The following PRRC2A variants were observed in gnomAD, a reference collection of about 807,000 sequenced individuals.
PRRC2A encodes the protein proline rich coiled-coil 2A, also known as protein PRRC2A.
PRRC2A carries 59 observed loss-of-function variants against 224.6 expected under a neutral mutation model. The observed-to-expected ratio is 0.26, with a 90% confidence interval of 0.21 to 0.33. The LOEUF is 0.33. Ranked by LOEUF, PRRC2A falls within the 10% of genes least tolerant of loss-of-function variation. The pLI is 1.00. For missense variants in PRRC2A, 3,095 were observed against 2,880.7 expected (o/e 1.07, Z -1.70); for synonymous variants, 1,194 against 1,109.5 (o/e 1.08, Z -1.51).
rs754491902 is a variant in PRRC2A, at chr6:31,632,182, G to A, written c.3509G>A (p.Arg1170Gln). ...ACTCCCAGAGGGGTGCCATCTCGCC[G>A]GGGCCGAGGAGGAGGGAGGCCCCCT... is the stretch of plus-strand genomic sequence containing the variant. ...VFTPRGVPSR[R>Q]GRGGGRPPPQ... Residue 1170 changes from arginine (R) to glutamine (Q), a missense_variant, in exon 16 of 31, where the codon CGG (arginine) becomes CAG (glutamine). Arg to Gln is a conservative substitution (Grantham distance 43, BLOSUM62 1). Around this residue, in one of 8 missense-constraint regions of PRRC2A, gnomAD observed 2,001 missense variants for 1,764.9 expected, o/e 1.13. Coordinates refer to ENST00000376033, the MANE Select transcript of PRRC2A (RefSeq NM_004638.4). The A allele has an allele frequency of 1.8e-5, 29 of 1,598,188 alleles. No individual in the cohort carries two copies. Among genetic ancestry groups the A allele is most frequent in the East Asian group, 1.3e-4 (6 of 44,728 alleles).
intron 12 of PRRC2A, chr6:31,628,840 C>CA (rs921221044): frequency 7.1e-4 from 254 of 359,346 alleles, no homozygotes; most frequent in South Asian, 1.0e-3. Context: ...GACTCTGTCT[C>CA]AAAAAAAAAT....
Position 31,637,231 on chromosome 6 carries a change from T to C in PRRC2A, c.6243-3T>C, listed in dbSNP as rs1777509757. On this transcript the variant is annotated splice_region_variant and splice_polypyrimidine_tract_variant and intron_variant, in intron 29 of 30. Transcript: ENST00000376033. ...CTTGCCTTAGACGCCCTTCTTCCCT[T>C]AGGTCCTTCTCTGGCCTCAATTCCC... The C allele has an allele frequency of 1.2e-6, 2 of 1,610,122 alleles. No homozygotes were observed. Among genetic ancestry groups the C allele is most frequent in the South Asian group, 1.1e-5 (1 of 91,030 alleles).
chr6:31,632,595 G>C lies in PRRC2A; in HGVS notation c.3922G>C (p.Asp1308His). The change falls in exon 16 of 31, where the codon GAT becomes CAT. Residue 1308 changes from aspartate (D) to histidine (H), a missense_variant. Asp to His is a moderately conservative substitution (Grantham distance 81, BLOSUM62 -1). Coordinates refer to ENST00000376033, the MANE Select transcript of PRRC2A (RefSeq NM_004638.4). ...APRRAAAKSP[D>H]LSNQNSDQAN... The stretch of plus-strand genomic sequence containing the variant: ...TCGCCGGGCAGCTGCCAAGTCTCCT[G>C]ATCTGTCAAACCAGAACTCAGACCA... The C allele has an allele frequency of 6.2e-7, 1 of 1,613,070 alleles. No individual in the cohort carries two copies.
At position 31,629,140 on chromosome 6, in the gene PRRC2A, G is replaced by T; in HGVS notation, c.1766-4G>T. 2 of 1,613,572 alleles carry T rather than the reference G, an allele frequency of 1.2e-6. No homozygotes were observed. Among genetic ancestry groups the T allele is most frequent in the Non-Finnish European group, 1.7e-6 (2 of 1,179,858 alleles). ...ATCACTCTGTTGTGTTTTTTCCGATGCAGTGGAACCACAACTGCCCTCAAA... is the reference window on the plus strand; with the variant it reads ...ATCACTCTGTTGTGTTTTTTCCGATTCAGTGGAACCACAACTGCCCTCAAA... On this transcript the variant is annotated splice_polypyrimidine_tract_variant and splice_region_variant and intron_variant, in intron 12 of 30. Coordinates refer to ENST00000376033, the MANE Select transcript of PRRC2A (RefSeq NM_004638.4).
Position 31,630,752 on chromosome 6 carries a change from C to T in PRRC2A, c.2416C>T (p.Leu806Phe), listed in dbSNP as rs1160895333. 6.2e-7 allele frequency: 1 copy of T among 1,614,230 alleles called. No homozygotes were observed. Among genetic ancestry groups the T allele is most frequent in the Non-Finnish European group, 8.5e-7 (1 of 1,180,046 alleles). ...FTATPAEPRPLTSPLRQAADE... is the reference protein window; with the variant it reads ...FTATPAEPRPFTSPLRQAADE... ...CGCCACACCCGCTGAACCCCGCCCA[C>T]TTACCTCACCTCTGCGCCAGGCTGC... The change falls in exon 15 of 31, where the codon CTT (leucine) becomes TTT (phenylalanine). Residue 806 changes from leucine (L) to phenylalanine (F), a missense_variant. Coordinates refer to ENST00000376033, the MANE Select transcript of PRRC2A (RefSeq NM_004638.4).
Position 31,632,306 on chromosome 6 carries a change from G to C in PRRC2A, c.3633G>C (p.Glu1211Asp), listed in dbSNP as rs1583216882. The C allele has an allele frequency of 6.2e-7, 1 of 1,613,342 alleles. No homozygotes were observed. The highest frequency in any genetic ancestry group is 2.2e-5 in the East Asian group (1 of 44,868). ...PLPPSKEPLK[E>D]KLIPGPLSPV... ...CACCAAGTAAGGAGCCTTTGAAAGA[G>C]AAGTTGATCCCAGGGCCTCTGTCCC... The change falls in exon 16 of 31, where the codon GAG becomes GAC. Residue 1211 changes from glutamate to aspartate, a missense_variant. This residue lies in a region of PRRC2A where 2,001 missense variants were observed against 1,764.9 expected (regional missense o/e 1.13). Coordinates refer to ENST00000376033, the MANE Select transcript of PRRC2A (RefSeq NM_004638.4).
At chr6:31,634,149 C>G in intron 18 of PRRC2A, 87 bp from the exon 19 acceptor site, 1 of 1,565,594 alleles carries the variant, frequency 6.4e-7, no homozygotes, top group Non-Finnish European at 8.6e-7. Flanking sequence ...GTCCCCACAC[C>G]CTGTGTCACC....
rs1776076124 is a variant in PRRC2A, at chr6:31,627,762, C to T, written c.1291-3C>T. 1 of 1,610,486 alleles carries T rather than the reference C, an allele frequency of 6.2e-7. No individual in the cohort carries two copies. Among genetic ancestry groups the T allele is most frequent in the Non-Finnish European group, 8.5e-7 (1 of 1,178,170 alleles). On this transcript the variant is annotated splice_polypyrimidine_tract_variant and splice_region_variant and intron_variant, in intron 11 of 30. Coordinates refer to ENST00000376033, the MANE Select transcript of PRRC2A (RefSeq NM_004638.4). The surrounding 1 kb of genome is among the most constrained non-coding windows in gnomAD (Gnocchi z 5.6). ...GGCCCTGCTGGGTCTTGCCAATTGA[C>T]AGGATCGTGGGGGTCCTCCCTGCAA...
intron 20 of PRRC2A, 96 bp downstream of exon 20, chr6:31,634,653 C>T (rs1252516824): frequency 1.3e-6 from 2 of 1,571,514 alleles, no homozygotes; most frequent in Admixed American, 1.7e-5. Context: ...GCTGTTCTCT[C>T]ACTTGGCTGT....
Position 31,637,269 on chromosome 6 carries a change from C to A in PRRC2A, c.6278C>A (p.Thr2093Lys). 6.2e-7 allele frequency: 1 copy of A among 1,612,494 alleles called. No homozygotes were observed. The highest frequency in any genetic ancestry group is 8.5e-7 in the Non-Finnish European group (1 of 1,179,490). Reference protein sequence around the residue: ...FSGLNSRLKATPSTYSGVFRT... With the variant: ...FSGLNSRLKAKPSTYSGVFRT... Reference sequence around the variant, plus strand: ...GGCCTCAATTCCCGTCTCAAGGCCACGCCTTCCACCTACAGTGGAGTCTTC... The same window carrying A: ...GGCCTCAATTCCCGTCTCAAGGCCAAGCCTTCCACCTACAGTGGAGTCTTC... The change falls in exon 30 of 31, where the codon ACG (threonine) becomes AAG (lysine). Residue 2093 changes from threonine (T) to lysine (K), a missense_variant. Physicochemically the swap from Thr to Lys is moderately conservative, Grantham distance 78 (BLOSUM62 -1). Coordinates refer to ENST00000376033, the MANE Select transcript of PRRC2A (RefSeq NM_004638.4).
chr6:31,625,939 C>T lies in PRRC2A; in HGVS notation c.839+68C>T, dbSNP rs1233922410. 2.5e-6 allele frequency: 4 copies of T among 1,589,020 alleles called. No homozygotes were observed. In the African/African-American group the frequency reaches 4.0e-5, roughly 16 times the overall value. On this transcript the variant is annotated intron_variant, in intron 8 of 30. Coordinates refer to ENST00000376033, the MANE Select transcript of PRRC2A (RefSeq NM_004638.4). This position sits in a 1 kb window ranked among gnomAD's most constrained non-coding sequence, Gnocchi z 4.1. ...GCTTATTGGGGGAGGAGATGGTTTTCTAGCCAGGAGGCTCAGTCTAGGATC... is the reference window on the plus strand; with the variant it reads ...GCTTATTGGGGGAGGAGATGGTTTTTTAGCCAGGAGGCTCAGTCTAGGATC...
rs766343646 is a variant in PRRC2A at position 31,625,078 on chromosome 6, G to A, written c.464-93G>A. 48 of 1,438,950 alleles carry A rather than the reference G, an allele frequency of 3.3e-5. No homozygotes were observed. The highest frequency in any genetic ancestry group is 4.4e-5 in the Non-Finnish European group (46 of 1,049,070). The allele number at this position is 1,438,950 out of a possible 1,614,324, so 89.1% of individuals were successfully genotyped here. Reference sequence around the variant, plus strand: ...CTCCCAGAGTGCTGGGATTACAGGCGTGAGCCACCGCGCCCAGCCAGAGTC... The same window carrying A: ...CTCCCAGAGTGCTGGGATTACAGGCATGAGCCACCGCGCCCAGCCAGAGTC... On this transcript the variant is annotated intron_variant, in intron 5 of 30. Transcript: ENST00000376033. The surrounding 1 kb of genome is among the most constrained non-coding windows in gnomAD (Gnocchi z 4.1).
At position 31,633,616 on chromosome 6, in the gene PRRC2A, G is replaced by T. The variant is rs1776947769; in HGVS notation, c.4557G>T (p.Glu1519Asp). ...CTCCTAGGCCCCCAACCCGATACGA[G>T]CCCCAGAGGGTCAACAGCGGCCTCA... The part of the protein sequence containing the change: ...GPSPRPPTRY[E>D]PQRVNSGLSS... Residue 1519 changes from glutamate (E) to aspartate (D), a missense_variant, in exon 17 of 31, where the codon GAG becomes GAT. Coordinates refer to ENST00000376033, the MANE Select transcript of PRRC2A (RefSeq NM_004638.4). 8.1e-6 allele frequency: 13 copies of T among 1,612,300 alleles called. No individual in the cohort carries two copies. Among genetic ancestry groups the T allele is most frequent in the Non-Finnish European group, 1.0e-5 (12 of 1,179,572 alleles).
In PRRC2A at chr6:31,631,578, C is replaced by G. The variant is rs746402424; in HGVS notation, c.2905C>G (p.Leu969Val). The change falls in exon 16 of 31, where the codon CTC becomes GTC. Residue 969 changes from leucine (L) to valine (V), a missense_variant. By Grantham distance (32) the Leu-to-Val change is conservative. This residue lies in a region of PRRC2A where 2,001 missense variants were observed against 1,764.9 expected (regional missense o/e 1.13). Transcript: ENST00000376033. The surrounding 1 kb of genome is among the most constrained non-coding windows in gnomAD (Gnocchi z 4.5). ...TKVEELPPKPLEQGDETPKPP... is the reference protein window; with the variant it reads ...TKVEELPPKPVEQGDETPKPP... Reference sequence around the variant, plus strand: ...AGTAGAAGAGCTGCCTCCCAAGCCCCTCGAACAGGGGGATGAAACCCCCAA... The same window carrying G: ...AGTAGAAGAGCTGCCTCCCAAGCCCGTCGAACAGGGGGATGAAACCCCCAA... The G allele has an allele frequency of 1.9e-6, 3 of 1,577,988 alleles. No individual in the cohort carries two copies. Among genetic ancestry groups the G allele is most frequent in the South Asian group, 2.3e-5 (2 of 86,388 alleles).
At position 31,626,118 on chromosome 6, in the gene PRRC2A, A is replaced by C; in HGVS notation, c.938A>C (p.Lys313Thr). 1 of 1,612,818 alleles carries C rather than the reference A, an allele frequency of 6.2e-7. No homozygotes were observed. Among genetic ancestry groups the C allele is most frequent in the East Asian group, 2.2e-5 (1 of 44,888 alleles). Residue 313 changes from lysine (K) to threonine (T), a missense_variant, in exon 9 of 31, where the codon AAA (lysine) becomes ACA (threonine). This residue lies in a region of PRRC2A where 287 missense variants were observed against 275.3 expected (regional missense o/e 1.04). Transcript: ENST00000376033. Reference protein sequence around the residue: ...RPSILKEDNLKEFDQLDQEND... With the variant: ...RPSILKEDNLTEFDQLDQEND... ...TCTATTCTCAAAGAGGATAATCTCA[A>C]AGAGTTTGATCAGTTGGATCAGGAG...
In PRRC2A at chr6:31,629,624, C is replaced by G. The variant is rs774192560; in HGVS notation, c.2033C>G (p.Pro678Arg). ...QQGSAPPTPV[P>R]PSPPQPVTLG... is the part of the protein sequence containing the mutation. ...GGCTCTGCCCCTCCTACCCCAGTGC[C>G]CCCATCACCACCACAGCCTGTGACC... is the stretch of plus-strand genomic sequence containing the variant. Residue 678 changes from proline to arginine, a missense_variant, in exon 14 of 31, where the codon CCC becomes CGC. Transcript: ENST00000376033. 6.2e-7 allele frequency: 1 copy of G among 1,612,656 alleles called. No individual in the cohort carries two copies. The highest frequency in any genetic ancestry group is 2.2e-5 in the East Asian group (1 of 44,890).
chr6:31,631,269 T>A lies in PRRC2A; in HGVS notation c.2596T>A (p.Trp866Arg), dbSNP rs908665968. 3 of 1,612,330 alleles carry A rather than the reference T, an allele frequency of 1.9e-6. No homozygotes were observed. Among genetic ancestry groups the A allele is most frequent in the Admixed American group, 1.7e-5 (1 of 59,798 alleles). Reference protein sequence around the residue: ...LEEPGPRPLPWPPGSDEVAKI... With the variant: ...LEEPGPRPLPRPPGSDEVAKI... ...GGAACCAGGGCCCCGTCCACTCCCCTGGCCCCCAGGCAGTGATGAAGTGGC... is the reference window on the plus strand; with the variant it reads ...GGAACCAGGGCCCCGTCCACTCCCCAGGCCCCCAGGCAGTGATGAAGTGGC... The change falls in exon 16 of 31, where the codon TGG becomes AGG. Residue 866 changes from tryptophan (W) to arginine (R), a missense_variant. Around this residue, in one of 8 missense-constraint regions of PRRC2A, gnomAD observed 2,001 missense variants for 1,764.9 expected, o/e 1.13. Transcript: ENST00000376033. The surrounding 1 kb of genome is among the most constrained non-coding windows in gnomAD (Gnocchi z 4.5).
In PRRC2A at chr6:31,636,595, C is replaced by T; in HGVS notation, c.5921C>T (p.Ala1974Val). 2 of 1,603,236 alleles carry T rather than the reference C, an allele frequency of 1.2e-6. No homozygotes were observed. The highest frequency in any genetic ancestry group is 1.7e-5 in the Admixed American group (1 of 58,664). Residue 1974 changes from alanine to valine, a missense_variant, in exon 27 of 31, where the codon GCT becomes GTT. By Grantham distance (64) the Ala-to-Val change is moderately conservative (BLOSUM62 0). This residue lies in a region of PRRC2A where 662 missense variants were observed against 609.5 expected (regional missense o/e 1.09). Transcript: ENST00000376033. This position sits in a 1 kb window ranked among gnomAD's most constrained non-coding sequence, Gnocchi z 4.3. ...CAAAGTGGCTTTCTCCCTTCAGGGG[C>T]TCCTGCCCAGCAGGTATATTGTATC... ...GGQSGFLPSG[A>V]PAQQMLLPMV...
intron 1 of PRRC2A, among the ~76,000 whole-genome samples, chr6:31,622,413 A>G (rs552836051): frequency 1.3e-5 from 2 of 152,174 alleles, no homozygotes; most frequent in Non-Finnish European, 2.9e-5. Context: ...AGAAGAGATT[A>G]TTACTTGTAG....
Sources: allele counts gnomAD v4.1 joint callset (sites outside exome capture counted in the v4.1 genomes callset), GRCh38; gene constraint gnomAD v4.1.1; regional missense constraint gnomAD v4.1.1; non-coding constraint Gnocchi (gnomAD v3.1); transcripts MANE v1.5; gene names NCBI Gene and HGNC (gene_info 2026-07-23, HGNC 2026-07-21).